The following CTNNA3 variants were observed in gnomAD, a reference collection of about 807,000 sequenced individuals.
CTNNA3 encodes the protein catenin alpha 3.
A neutral mutation model predicts 95.7 loss-of-function variants in CTNNA3; 76 were observed. The ratio of observed to expected loss-of-function variants is 0.79; its 90% confidence interval spans 0.66 to 0.96. The LOEUF (loss-of-function observed/expected upper bound fraction) is 0.96. Among genes scored for constraint, CTNNA3 ranks in the 40% least tolerant of loss-of-function variants. The pLI is 0.00. For missense variants in CTNNA3, 1,191 were observed against 1,089.8 expected (o/e 1.09, Z -1.31); for synonymous variants, 431 against 374.4 (o/e 1.15, Z -1.74).
At chr10:66,425,877 T>C (rs2093236200) in intron 11 of CTNNA3, among the ~76,000 whole-genome samples, 1 of 152,018 alleles carries the variant, frequency 6.6e-6, no homozygotes, top group Admixed American at 6.6e-5. Context: ...CCCCAGAAGC[T>C]CCTTCGTTCC....
intron 10 of CTNNA3, among the ~76,000 whole-genome samples, chr10:66,574,919 G>A (rs1363808055): frequency 1.3e-5 from 2 of 152,070 alleles, no homozygotes; most frequent in Non-Finnish European, 2.9e-5. Flanking sequence ...TGGGTTGGAT[G>A]TCCCAAGAAG....
intron 7 of CTNNA3, among the ~76,000 whole-genome samples, chr10:67,088,828 T>C (rs551607322): frequency 4.9e-4 from 74 of 152,166 alleles, no homozygotes; most frequent in Non-Finnish European, 8.7e-4. Context: ...AGTTCCTGCC[T>C]TATTATCCTA....
intron 5 of CTNNA3, among the ~76,000 whole-genome samples, chr10:67,396,712 C>T (rs1844718605): frequency 1.3e-5 from 2 of 151,882 alleles, no homozygotes; most frequent in South Asian, 2.1e-4. Context: ...TGGCTCTGTC[C>T]CCACCCAAAT....
intron 9 of CTNNA3, among the ~76,000 whole-genome samples, chr10:66,742,955 C>T (rs529146040): frequency 6.6e-6 from 1 of 152,130 alleles, no homozygotes; most frequent in African/African-American, 2.4e-5. Flanking sequence ...GGTTTTCTAC[C>T]GTTTATACAT....
At chr10:66,917,243 C>A (rs974394103) in intron 7 of CTNNA3, among the ~76,000 whole-genome samples, 13 of 152,142 alleles carry the variant, frequency 8.5e-5, no homozygotes, top group Admixed American at 5.2e-4. Context: ...ATTTGCTACC[C>A]GGGACTAAGT....
At chr10:66,343,902 A>G (rs534165084) in intron 12 of CTNNA3, among the ~76,000 whole-genome samples, 8 of 152,028 alleles carry the variant, frequency 5.3e-5, no homozygotes, top group East Asian at 1.9e-4. Context: ...TTCAAATTCT[A>G]TAATTTTTAC....
intron 9 of CTNNA3, among the ~76,000 whole-genome samples, chr10:66,704,840 A>AAAGCTTT (rs1848066116): frequency 6.6e-6 from 1 of 152,168 alleles, no homozygotes; most frequent in Non-Finnish European, 1.5e-5. Flanking sequence ...TGTCATCTGT[A>AAAGCTTT]AAGCTTTACT....
intron 11 of CTNNA3, among the ~76,000 whole-genome samples, chr10:66,423,506 C>A (rs989088425): frequency 2.0e-5 from 3 of 152,144 alleles, no homozygotes; most frequent in African/African-American, 7.2e-5. Flanking sequence ...TGGCTAAGGT[C>A]AGCATGAACA....
intron 7 of CTNNA3, among the ~76,000 whole-genome samples, chr10:67,120,505 C>T (rs961793711): frequency 1.3e-5 from 2 of 151,920 alleles, no homozygotes; most frequent in African/African-American, 4.8e-5. Context: ...AAATACTTTG[C>T]ATTTCACAAG....
At chr10:67,220,451 T>C (rs1011626166) in intron 5 of CTNNA3, among the ~76,000 whole-genome samples, 7 of 152,208 alleles carry the variant, frequency 4.6e-5, no homozygotes, top group African/African-American at 1.2e-4. Flanking sequence ...TGTACAGATA[T>C]GAAAAAATCC....
chr10:67,115,370 G>A lies in CTNNA3; in HGVS notation c.1047+64947C>T, dbSNP rs1859125092. ...GGGGGAGGGGCGAGGGATACCATTAGGAGATATACCTAATGCTAAATGATG... is the reference window on the plus strand; with the variant it reads ...GGGGGAGGGGCGAGGGATACCATTAAGAGATATACCTAATGCTAAATGATG... On this transcript the variant is annotated intron_variant, in intron 7 of 17. Coordinates refer to ENST00000433211, the MANE Select transcript of CTNNA3 (RefSeq NM_013266.4). Among the ~76,000 whole-genome samples the A allele has an allele frequency of 3.9e-5, 6 of 152,050 alleles. No individual in the cohort carries two copies. In the South Asian group the frequency reaches 1.2e-3, roughly 32 times the overall value.
At chr10:65,990,847 AC>A (rs963992857) in intron 15 of CTNNA3, among the ~76,000 whole-genome samples, 2 of 151,916 alleles carry the variant, frequency 1.3e-5, no homozygotes, top group African/African-American at 4.8e-5. Flanking sequence ...TAGACCAATG[AC>A]CTGAAGCATT....
At chr10:66,926,471 C>A (rs1328879588) in intron 7 of CTNNA3, 2 of 1,249,946 alleles carry the variant, frequency 1.6e-6, no homozygotes, top group Non-Finnish European at 2.3e-6. Flanking sequence ...AATTTTTCTT[C>A]CTGGGTGTCA....
intron 10 of CTNNA3, among the ~76,000 whole-genome samples, chr10:66,544,788 T>C (rs1841986600): frequency 6.6e-6 from 1 of 152,136 alleles, no homozygotes; most frequent in Non-Finnish European, 1.5e-5. Context: ...ACAGATTGTG[T>C]TGTTAAATAA....
Position 66,159,856 on chromosome 10 carries a change from CTTG to C in CTNNA3, c.1885-56610_1885-56608del, listed in dbSNP as rs1340129375. On this transcript the variant is annotated intron_variant, in intron 13 of 17. Transcript: ENST00000433211. Reference sequence around the variant, plus strand: ...TTCAATTACTATTTCAATCTCACTGCTTGTTGTTGGTCTGCTCAGGGTATCTAA... The same window carrying C: ...TTCAATTACTATTTCAATCTCACTGCTTGTTGGTCTGCTCAGGGTATCTAA... Among the ~76,000 whole-genome samples, 3 of 151,926 alleles carry C rather than the reference CTTG, an allele frequency of 2.0e-5. No homozygotes were observed. The East Asian group carries it at 5.8e-4, about 29-fold the overall frequency.
intron 15 of CTNNA3, among the ~76,000 whole-genome samples, chr10:66,021,347 C>A (rs1006730732): frequency 6.6e-6 from 1 of 152,214 alleles, no homozygotes; most frequent in Non-Finnish European, 1.5e-5. Context: ...ATCCTCATGT[C>A]TTATAGGAGG....
intron 1 of CTNNA3, among the ~76,000 whole-genome samples, chr10:67,720,860 A>C (rs575586743): frequency 6.6e-6 from 1 of 152,258 alleles, no homozygotes; most frequent in South Asian, 2.1e-4. Flanking sequence ...AGGCTGAGGC[A>C]GGAGAATTGC....
chr10:66,730,104 T>C (rs1414232850), intron 9 of CTNNA3, among the ~76,000 whole-genome samples: 1 of 80,042 alleles, frequency 1.2e-5, no homozygotes, highest in African/African-American at 3.6e-5. Flanking sequence ...ATACTCTGTC[T>C]GAAAAAAAAA....
chr10:66,648,487 G>A (rs2132404147), intron 9 of CTNNA3, among the ~76,000 whole-genome samples: 1 of 152,242 alleles, frequency 6.6e-6, no homozygotes, highest in East Asian at 1.9e-4. Context: ...TTGTAGCCAT[G>A]ATCTCTAAAA....
Sources: allele counts gnomAD v4.1 joint callset (sites outside exome capture counted in the v4.1 genomes callset), GRCh38; gene constraint gnomAD v4.1.1; transcripts MANE v1.5; gene names NCBI Gene and HGNC (gene_info 2026-07-23, HGNC 2026-07-21).